Variants in ZNF469 observed in about 807,000 individuals in gnomAD.
ZNF469 encodes the protein zinc finger protein 469.
In ZNF469, 1 loss-of-function variant was observed where a neutral mutation model predicts 1.0. The observed-to-expected ratio is 1.00, with a 90% CI of 0.35 to 4.73. The LOEUF is 4.73. ZNF469 is among the 30% of genes most tolerant of loss of function. The pLI is 0.16. For missense variants in ZNF469, 6,100 were observed against 5,356.3 expected (o/e 1.14, Z -4.33); for synonymous variants, 2,703 against 2,363.4 (o/e 1.14, Z -4.17).
the ZNF469 span, among the ~76,000 whole-genome samples, chr16:88,128,027 G>A: frequency 1.3e-5 from 2 of 152,244 alleles, no homozygotes; most frequent in African/African-American, 4.8e-5. Flanking sequence ...TTCTGCACAG[G>A]AGGGGCTGTG....
the ZNF469 span, among the ~76,000 whole-genome samples, chr16:88,365,256 A>G: frequency 2.6e-5 from 4 of 152,176 alleles, no homozygotes; most frequent in Non-Finnish European, 4.4e-5. Context: ...TCAACTCCCA[A>G]CATCCAGCCT....
chr16:88,189,323 G>T, the ZNF469 span, among the ~76,000 whole-genome samples: 1 of 152,182 alleles, frequency 6.6e-6, no homozygotes, highest in Non-Finnish European at 1.5e-5. This position sits in a 1 kb window ranked among gnomAD's most constrained non-coding sequence, Gnocchi z 4.3. Flanking sequence ...GGGAGCAAAG[G>T]TCTGATGGGG....
At chr16:88,332,175 A>C in the ZNF469 span, among the ~76,000 whole-genome samples, 2 of 152,246 alleles carry the variant, frequency 1.3e-5, no homozygotes, top group Admixed American at 6.5e-5. Context: ...GGAATCTTTC[A>C]GAAATAAACA....
the ZNF469 span, among the ~76,000 whole-genome samples, chr16:88,128,610 C>T: frequency 6.6e-6 from 1 of 152,188 alleles, no homozygotes; most frequent in Non-Finnish European, 1.5e-5. Context: ...AGACAAGAGA[C>T]CCCCTCCCGC....
At chr16:88,241,774 A>G in the ZNF469 span, among the ~76,000 whole-genome samples, 1 of 152,192 alleles carries the variant, frequency 6.6e-6, no homozygotes, top group African/African-American at 2.4e-5. This position sits in a 1 kb window ranked among gnomAD's most constrained non-coding sequence, Gnocchi z 4.8. Context: ...GACAAGGAGC[A>G]TGCTTGGGGC....
At chr16:88,250,077 T>A in the ZNF469 span, among the ~76,000 whole-genome samples, 1 of 152,266 alleles carries the variant, frequency 6.6e-6, no homozygotes, top group Non-Finnish European at 1.5e-5. Context: ...AATTCAAGTA[T>A]AATGTATGTG....
chr16:88,231,835 G>A, the ZNF469 span, among the ~76,000 whole-genome samples: 4 of 152,300 alleles, frequency 2.6e-5, no homozygotes, highest in Admixed American at 6.5e-5. The surrounding 1 kb of genome is among the most constrained non-coding windows in gnomAD (Gnocchi z 4.5). Context: ...TATCACCAGG[G>A]AACATATTCC....
the ZNF469 span, among the ~76,000 whole-genome samples, chr16:88,217,393 T>C: frequency 6.6e-6 from 1 of 152,226 alleles, no homozygotes; most frequent in Non-Finnish European, 1.5e-5. Flanking sequence ...CAGTCTTTCA[T>C]GGGTCCTGAA....
At chr16:88,306,215 C>T in the ZNF469 span, among the ~76,000 whole-genome samples, 33 of 152,228 alleles carry the variant, frequency 2.2e-4, no homozygotes, top group African/African-American at 7.7e-4. Context: ...GTGCCAGGCA[C>T]CGGACTGTGC....
At chr16:88,427,212 C>T (rs1905748602) in intron 2 of ZNF469, among the ~76,000 whole-genome samples, 133 bp from the exon 3 acceptor site, 1 of 152,174 alleles carries the variant, frequency 6.6e-6, no homozygotes, top group Non-Finnish European at 1.5e-5. Flanking sequence ...AAGCGCGGAG[C>T]TTCTGTGATG....
intron 1 of ZNF469, among the ~76,000 whole-genome samples, chr16:88,420,693 G>T (rs1905430428): frequency 6.6e-6 from 1 of 152,256 alleles, no homozygotes; most frequent in South Asian, 2.1e-4. Flanking sequence ...GCAAACGTCT[G>T]CTAGGCACTC....
At chr16:88,181,952 A>G in the ZNF469 span, among the ~76,000 whole-genome samples, 1 of 152,254 alleles carries the variant, frequency 6.6e-6, no homozygotes, top group African/African-American at 2.4e-5. Flanking sequence ...TTGCCTTTAT[A>G]TGCACTCAAC....
At chr16:88,158,923 C>T in the ZNF469 span, among the ~76,000 whole-genome samples, 1 of 152,150 alleles carries the variant, frequency 6.6e-6, no homozygotes, top group Non-Finnish European at 1.5e-5. Context: ...CCTCCTTCCC[C>T]AGACCTCGCT....
intron 1 of ZNF469, among the ~76,000 whole-genome samples, chr16:88,409,589 T>C (rs954930954): frequency 2.0e-5 from 3 of 152,178 alleles, no homozygotes; most frequent in African/African-American, 4.8e-5. Context: ...GTGTTCAGGA[T>C]GGAGGACCTT....
At chr16:88,103,863 A>G in the ZNF469 span, among the ~76,000 whole-genome samples, 1 of 147,778 alleles carries the variant, frequency 6.8e-6, no homozygotes, top group Non-Finnish European at 1.5e-5. Context: ...AGGGGGTGGA[A>G]TGATCCTCCA....
Position 88,430,293 on chromosome 16 carries a change from G to A in ZNF469, c.2823G>A (p.Gln941=), listed in dbSNP as rs1366436977. The part of the protein sequence containing the change: ...LAPTEADAPS[Q]GRQQRRGKQL... ...CCACCGAGGCGGATGCGCCCAGCCA[G>A]GGCAGGCAGCAGAGGAGGGGGAAGC... Residue 941 remains glutamine (Q), a synonymous_variant, in exon 3 of 3, where the codon CAG becomes CAA. Coordinates refer to ENST00000565624, the MANE Select transcript of ZNF469 (RefSeq NM_001367624.2). 13 of 1,515,050 alleles carry A rather than the reference G, an allele frequency of 8.6e-6. No individual in the cohort carries two copies. Among genetic ancestry groups the A allele is most frequent in the African/African-American group, 5.5e-5 (4 of 72,378 alleles). The allele number at this position is 1,515,050 out of a possible 1,614,324, so 93.9% of individuals were successfully genotyped here.
the ZNF469 span, chr16:88,294,644 CT>C: frequency 1.3e-5 from 2 of 152,256 alleles, no homozygotes; most frequent in Non-Finnish European, 2.9e-5. Flanking sequence ...AGTCCAAGCG[CT>C]AAAAACCAAC....
At position 88,438,624 on chromosome 16, in the gene ZNF469, G is replaced by A; in HGVS notation, c.11154G>A (p.Gly3718=). The part of the protein sequence containing the change: ...PGELARGTEN[G]MKPATPKAKP... ...AGCTGGCCCGTGGCACAGAGAATGG[G>A]ATGAAGCCCGCCACCCCCAAAGCCA... Residue 3718 remains glycine (G), a synonymous_variant, in exon 3 of 3, where the codon GGG becomes GGA. Transcript: ENST00000565624. 1.3e-6 allele frequency: 2 copies of A among 1,550,088 alleles called. No individual in the cohort carries two copies. Among genetic ancestry groups the A allele is most frequent in the Non-Finnish European group, 1.7e-6 (2 of 1,146,908 alleles).
chr16:88,326,474 A>G, the ZNF469 span, among the ~76,000 whole-genome samples: 4 of 152,118 alleles, frequency 2.6e-5, no homozygotes, highest in Non-Finnish European at 5.9e-5. Context: ...ACACTTCGAG[A>G]CACTCTCCAG....
Sources: allele counts gnomAD v4.1 joint callset (sites outside exome capture counted in the v4.1 genomes callset), GRCh38; gene constraint gnomAD v4.1.1; non-coding constraint Gnocchi (gnomAD v3.1); transcripts MANE v1.5; gene names NCBI Gene and HGNC (gene_info 2026-07-23, HGNC 2026-07-21).